Variants in NLRP3 observed in about 807,000 individuals in gnomAD.
The protein encoded by NLRP3 is NACHT, LRR and PYD domains-containing protein 3.
A neutral mutation model predicts 91.3 loss-of-function variants in NLRP3; 48 were observed. The ratio of observed to expected loss-of-function variants is 0.53; its 90% CI spans 0.42 to 0.67. The LOEUF is 0.67. Among genes scored for constraint, NLRP3 ranks in the 30% least tolerant of loss-of-function variants. The pLI is 0.00. For synonymous variants in NLRP3, 561 were observed against 507.9 expected (o/e 1.10, Z -1.41); for missense variants, 982 against 1,276.9 (o/e 0.77, Z 3.52).
At position 247,443,999 on chromosome 1, in the gene NLRP3, CTGT is replaced by C; in HGVS notation, c.2696_2698del (p.Cys899del). On this transcript the variant is annotated inframe_deletion, in exon 8 of 10. Coordinates refer to ENST00000336119, the MANE Select transcript of NLRP3 (RefSeq NM_001243133.2). Reference sequence around the variant, plus strand: ...TGGTGAATTCTGGCCTTACGTCAGTCTGTTGTTCAGCTTTGTCCTCGGTACTCA... The same window carrying C: ...TGGTGAATTCTGGCCTTACGTCAGTCTGTTCAGCTTTGTCCTCGGTACTCA... 1 of 1,614,170 alleles carries C rather than the reference CTGT, an allele frequency of 6.2e-7. No individual in the cohort carries two copies. Among genetic ancestry groups the C allele is most frequent in the Non-Finnish European group, 8.5e-7 (1 of 1,180,024 alleles).
chr1:247,423,899 A>G lies in NLRP3; in HGVS notation c.450A>G (p.Glu150=), dbSNP rs1194375582. ...KYVRSRFQCI[E]DRNARLGESV... is the part of the protein sequence containing the mutation. ...TGAGAAGCAGATTCCAGTGCATTGA[A>G]GACAGGAATGCCCGTCTGGGTGAGA... The change falls in exon 4 of 10, where the codon GAA becomes GAG. Residue 150 remains glutamate (E), a synonymous_variant. Coordinates refer to ENST00000336119, the MANE Select transcript of NLRP3 (RefSeq NM_001243133.2). 4.3e-6 allele frequency: 7 copies of G among 1,614,044 alleles called. No individual in the cohort carries two copies. Among genetic ancestry groups the G allele is most frequent in the Non-Finnish European group, 5.9e-6 (7 of 1,179,998 alleles).
chr1:247,437,089 G>T (rs1663847636), intron 7 of NLRP3, among the ~76,000 whole-genome samples: 1 of 152,238 alleles, frequency 6.6e-6, no homozygotes, highest in South Asian at 2.1e-4. Flanking sequence ...AATTCCCAGT[G>T]CATTGCCTTA....
At chr1:247,438,694 T>TTTG (rs1304247646) in intron 7 of NLRP3, among the ~76,000 whole-genome samples, 3 of 152,224 alleles carry the variant, frequency 2.0e-5, no homozygotes, top group East Asian at 3.8e-4. Flanking sequence ...GTTTACCTTT[T>TTTG]TTGTTGTTGT....
At chr1:247,435,042 G>A (rs958499023) in intron 6 of NLRP3, among the ~76,000 whole-genome samples, 2 of 152,120 alleles carry the variant, frequency 1.3e-5, no homozygotes, top group Admixed American at 6.5e-5. Flanking sequence ...ACTGGAGGTC[G>A]GGAGTTCGAG....
Position 247,423,309 on chromosome 1 carries a change from G to A in NLRP3, c.357G>A (p.Leu119=), listed in dbSNP as rs368050806. 3.7e-6 allele frequency: 6 copies of A among 1,614,020 alleles called. No individual in the cohort carries two copies. Among genetic ancestry groups the A allele is most frequent in the Middle Eastern group, 3.3e-4 (2 of 6,062 alleles). ...TTGAAGAGGAGTGGATGGGTTTACT[G>A]GAGTACCTTTCGAGAATCTCTATTT... The part of the protein sequence containing the change: ...DSIEEEWMGL[L]EYLSRISICK... The change falls in exon 3 of 10, where the codon CTG becomes CTA. Residue 119 remains leucine, a synonymous_variant. Coordinates refer to ENST00000336119, the MANE Select transcript of NLRP3 (RefSeq NM_001243133.2).
At position 247,448,506 on chromosome 1, in the gene NLRP3, A is replaced by C; in HGVS notation, c.*2A>C. 6.3e-7 allele frequency: 1 copy of C among 1,598,464 alleles called. No individual in the cohort carries two copies. Among genetic ancestry groups the C allele is most frequent in the South Asian group, 1.1e-5 (1 of 90,734 alleles). ...GTCGTCTTTGAGCCTTCTTGGTAGG[A>C]GTGGAAACGGGGCTGCCAGACGCCA... On this transcript the variant is annotated 3_prime_UTR_variant, in exon 10 of 10. Transcript: ENST00000336119.
intron 7 of NLRP3, 151 bp downstream of exon 7, chr1:247,436,291 A>T (rs1663787767): frequency 1.4e-6 from 1 of 712,684 alleles, no homozygotes; most frequent in African/African-American, 1.8e-5. Context: ...GACTGGAGGC[A>T]TATAATGTAT....
intron 7 of NLRP3, among the ~76,000 whole-genome samples, chr1:247,440,770 C>T (rs1203136668): frequency 1.3e-5 from 2 of 152,094 alleles, no homozygotes; most frequent in Non-Finnish European, 2.9e-5. Context: ...CATCACTGTG[C>T]CCAGCTATGA....
chr1:247,420,243 C>T (rs1444387590), intron 2 of NLRP3, among the ~76,000 whole-genome samples: 1 of 152,076 alleles, frequency 6.6e-6, no homozygotes, highest in Non-Finnish European at 1.5e-5. Context: ...AAGTTCTTTT[C>T]TCATTTTCAG....
rs1178937944 is a variant in NLRP3, at chr1:247,423,283, A to G, written c.331A>G (p.Ile111Val). Residue 111 changes from isoleucine to valine, a missense_variant, in exon 3 of 10, where the codon ATT becomes GTT. Physicochemically the swap from Ile to Val is conservative, Grantham distance 29 (BLOSUM62 3). This residue lies in a region of NLRP3 where 548 missense variants were observed against 713.7 expected (regional missense o/e 0.77). Coordinates refer to ENST00000336119, the MANE Select transcript of NLRP3 (RefSeq NM_001243133.2). ...NPTVICQEDS[I>V]EEEWMGLLEY... ...CACTGTGATATGCCAGGAAGACAGC[A>G]TTGAAGAGGAGTGGATGGGTTTACT... The G allele has an allele frequency of 2.5e-6, 4 of 1,580,720 alleles. No individual in the cohort carries two copies. The South Asian group carries it at 4.4e-5, about 17-fold the overall frequency.
In NLRP3 at chr1:247,418,463, G is replaced by A. The variant is rs1171567256; in HGVS notation, c.-338G>A. On this transcript the variant is annotated 5_prime_UTR_variant, in exon 2 of 10. Transcript: ENST00000336119. ...ATTACAGGCGCCCGCCACCACACCCGGCTCATTTTTGTACTTTTAGTAGAG... is the reference window on the plus strand; with the variant it reads ...ATTACAGGCGCCCGCCACCACACCCAGCTCATTTTTGTACTTTTAGTAGAG... 2 of 341,284 alleles carry A rather than the reference G, an allele frequency of 5.9e-6. No homozygotes were observed. Among genetic ancestry groups the A allele is most frequent in the African/African-American group, 2.1e-5 (1 of 46,694 alleles). 21.1% of individuals were successfully genotyped at this position (341,284 alleles called of 1,614,324 possible). A position where few individuals can be genotyped will look rare whatever the true frequency, so the allele number is the denominator to read the frequency against.
intron 5 of NLRP3, among the ~76,000 whole-genome samples, chr1:247,433,479 A>T (rs1370864621): frequency 1.3e-5 from 2 of 152,184 alleles, no homozygotes; most frequent in African/African-American, 4.8e-5. Context: ...GGTGATCTCA[A>T]TGCACCCGGC....
rs1272621702 is a variant in NLRP3 at position 247,423,241 on chromosome 1, G to A, written c.289G>A (p.Ala97Thr). 6.2e-7 allele frequency: 1 copy of A among 1,613,860 alleles called. No individual in the cohort carries two copies. Among genetic ancestry groups the A allele is most frequent in the Admixed American group, 1.7e-5 (1 of 59,996 alleles). ...RDEPKWGSDN[A>T]RVSNPTVICQ... ...TTTTTCCCTTTTAGGTTCAGATAAT[G>A]CACGTGTTTCGAATCCCACTGTGAT... Residue 97 changes from alanine to threonine, a missense_variant, in exon 3 of 10, where the codon GCA becomes ACA. By Grantham distance (58) the Ala-to-Thr change is moderately conservative (BLOSUM62 0). Around this residue, in one of 5 missense-constraint regions of NLRP3, gnomAD observed 548 missense variants for 713.7 expected, o/e 0.77. Coordinates refer to ENST00000336119, the MANE Select transcript of NLRP3 (RefSeq NM_001243133.2).
At chr1:247,416,510 A>G (rs1662084079) in intron 1 of NLRP3, among the ~76,000 whole-genome samples, 1 of 152,182 alleles carries the variant, frequency 6.6e-6, no homozygotes, top group Non-Finnish European at 1.5e-5. Context: ...ACAGAAGGAA[A>G]CAAACCTCCT....
chr1:247,418,704 G>T lies in NLRP3; in HGVS notation c.-97G>T. Reference sequence around the variant, plus strand: ...TTGATAATTTATATCTCTCAAAGTGGAGACTTTAAAAAAGACTCATCCGTG... The same window carrying T: ...TTGATAATTTATATCTCTCAAAGTGTAGACTTTAAAAAAGACTCATCCGTG... On this transcript the variant is annotated 5_prime_UTR_variant, in exon 2 of 10. Coordinates refer to ENST00000336119, the MANE Select transcript of NLRP3 (RefSeq NM_001243133.2). 5.6e-6 allele frequency: 8 copies of T among 1,418,636 alleles called. No individual in the cohort carries two copies. In the South Asian group the frequency reaches 9.4e-5, roughly 17 times the overall value. The allele number at this position is 1,418,636 out of a possible 1,614,324, so 87.9% of individuals were successfully genotyped here.
intron 9 of NLRP3, 54 bp from the exon 10 acceptor site, chr1:247,448,351 C>G: frequency 1.2e-6 from 1 of 832,524 alleles, no homozygotes; most frequent in Non-Finnish European, 2.0e-6. Flanking sequence ...AGGTTAACGA[C>G]TCTGACAGAG....
intron 8 of NLRP3, 134 bp downstream of exon 8, chr1:247,444,276 A>G (rs1411765664): frequency 8.4e-6 from 8 of 952,448 alleles, no homozygotes; most frequent in Non-Finnish European, 8.4e-6. Context: ...TTGTTACAGG[A>G]TCATGGGACT....
At chr1:247,426,934 C>T (rs1271912727) in intron 4 of NLRP3, among the ~76,000 whole-genome samples, 1 of 152,028 alleles carries the variant, frequency 6.6e-6, no homozygotes. Context: ...AAGCAGGGTA[C>T]GGTTTCTACG....
chr1:247,448,223 G>C lies in NLRP3; in HGVS notation c.3006-182G>C, dbSNP rs143298089. 8.7e-3 allele frequency among the ~76,000 whole-genome samples: 1,319 copies of C among 151,356 alleles called. 22 individuals carry two copies. Among genetic ancestry groups the C allele is most frequent in the African/African-American group, 0.03 (1,216 of 41,132 alleles). ...CGCGGCCATCTTGGTCTCGGCGGCG[G>C]CGACGGCGGCGAGGACGCGGAGCAC... On this transcript the variant is annotated intron_variant, in intron 9 of 9. Transcript: ENST00000336119.
Sources: allele counts gnomAD v4.1 joint callset (sites outside exome capture counted in the v4.1 genomes callset), GRCh38; gene constraint gnomAD v4.1.1; regional missense constraint gnomAD v4.1.1; transcripts MANE v1.5; gene names NCBI Gene and HGNC (gene_info 2026-07-23, HGNC 2026-07-21).